ZNF608: variants seen among roughly 807,000 people sequenced by gnomAD.
The protein encoded by ZNF608 is renal carcinoma antigen NY-REN-36.
ZNF608 carries 12 observed loss-of-function variants against 109.0 expected under a neutral mutation model. The observed-to-expected ratio is 0.11, with a 90% CI of 0.07 to 0.18. ZNF608 has a LOEUF of 0.18. Ranked by LOEUF, ZNF608 falls within the 10% of genes least tolerant of loss-of-function variation. The probability of loss-of-function intolerance (pLI) is 1.00; values close to 1 mark genes in which losing one functional copy is unlikely to be tolerated. For missense variants in ZNF608, 1,707 were observed against 1,879.3 expected (o/e 0.91, Z 1.70); for synonymous variants, 732 against 717.4 (o/e 1.02, Z -0.33).
In ZNF608 at chr5:124,641,281, A is replaced by T. The variant is rs1251935028; in HGVS notation, c.4421T>A (p.Leu1474Gln). ...AAAAGGGTCATATTGACCCGGGATT[A>T]GCGGGTAACCCATGCCAACGTGGGT... The part of the protein sequence containing the change: ...HHTHVGMGYP[L>Q]IPGQYDPFQG... The change falls in exon 8 of 10, where the codon CTA (leucine) becomes CAA (glutamine). Residue 1474 changes from leucine to glutamine, a missense_variant. By Grantham distance (113) the Leu-to-Gln change is moderately radical. Around this residue, in one of 7 missense-constraint regions of ZNF608, gnomAD observed 1,073 missense variants for 1,133.5 expected, o/e 0.95. Coordinates refer to ENST00000513986, the MANE Select transcript of ZNF608 (RefSeq NM_020747.3). 6.2e-7 allele frequency: 1 copy of T among 1,613,758 alleles called. No homozygotes were observed. The highest frequency in any genetic ancestry group is 8.5e-7 in the Non-Finnish European group (1 of 1,180,036).
At chr5:124,683,689 T>C (rs949265017) in intron 3 of ZNF608, among the ~76,000 whole-genome samples, 1 of 152,164 alleles carries the variant, frequency 6.6e-6, no homozygotes, top group Non-Finnish European at 1.5e-5. Context: ...TTAAACTATA[T>C]AAACATATAA....
chr5:124,721,658 G>A (rs998794541), intron 2 of ZNF608, among the ~76,000 whole-genome samples: 1 of 152,006 alleles, frequency 6.6e-6, no homozygotes, highest in African/African-American at 2.4e-5. Flanking sequence ...GAGCCAGGCC[G>A]GGCACAGTGG....
At chr5:124,670,246 T>C (rs1580587126) in intron 3 of ZNF608, among the ~76,000 whole-genome samples, 1 of 152,176 alleles carries the variant, frequency 6.6e-6, no homozygotes, top group East Asian at 1.9e-4. Flanking sequence ...CTTTTCAAAA[T>C]ATTAATATAA....
At chr5:124,699,518 C>T (rs571086363) in intron 3 of ZNF608, among the ~76,000 whole-genome samples, 28 of 152,340 alleles carry the variant, frequency 1.8e-4, no homozygotes, top group African/African-American at 6.7e-4. Context: ...AATCACTTCC[C>T]TCTGAGCAAA....
intron 3 of ZNF608, among the ~76,000 whole-genome samples, chr5:124,652,984 C>T (rs1214116596): frequency 2.0e-5 from 3 of 152,162 alleles, no homozygotes; most frequent in African/African-American, 4.8e-5. Flanking sequence ...GTGTTGGGGA[C>T]GTTCTATACA....
chr5:124,703,308 A>C (rs537176775), intron 2 of ZNF608, among the ~76,000 whole-genome samples: 14 of 152,232 alleles, frequency 9.2e-5, no homozygotes, highest in Admixed American at 2.6e-4. Context: ...GATGAGTCTT[A>C]TAGCGTATCA....
rs1468299671 is a variant in ZNF608 at position 124,647,754 on chromosome 5, G to A, written c.2630C>T (p.Ala877Val). ...GLSESQESRMASIKAEADKVY... is the reference protein window; with the variant it reads ...GLSESQESRMVSIKAEADKVY... ...CTTATCGGCCTCAGCTTTGATACTG[G>A]CCATGCGGCTCTCCTGAGACTCCGA... Residue 877 changes from alanine to valine, a missense_variant, in exon 5 of 10, where the codon GCC (alanine) becomes GTC (valine). By Grantham distance (64) the Ala-to-Val change is moderately conservative. This residue lies in a region of ZNF608 where 1,073 missense variants were observed against 1,133.5 expected (regional missense o/e 0.95). Coordinates refer to ENST00000513986, the MANE Select transcript of ZNF608 (RefSeq NM_020747.3). The A allele has an allele frequency of 6.2e-7, 1 of 1,614,048 alleles. No homozygotes were observed. Among genetic ancestry groups the A allele is most frequent in the African/African-American group, 1.3e-5 (1 of 75,028 alleles).
chr5:124,735,724 G>T (rs1193592222), intron 2 of ZNF608, among the ~76,000 whole-genome samples: 1 of 152,226 alleles, frequency 6.6e-6, no homozygotes, highest in Non-Finnish European at 1.5e-5. Flanking sequence ...GCTGGTGAAA[G>T]ATTTGGGCAG....
chr5:124,713,722 G>C (rs1445562142), intron 2 of ZNF608, among the ~76,000 whole-genome samples: 1 of 152,138 alleles, frequency 6.6e-6, no homozygotes, highest in Non-Finnish European at 1.5e-5. Context: ...TTGCTCTACT[G>C]AATTCAAGAG....
chr5:124,716,968 G>C (rs1753728760), intron 2 of ZNF608, among the ~76,000 whole-genome samples: 2 of 152,124 alleles, frequency 1.3e-5, no homozygotes, highest in South Asian at 4.1e-4. Context: ...TATAATCCCA[G>C]CTACTCAGGA....
chr5:124,720,320 A>T (rs1415308694), intron 2 of ZNF608, among the ~76,000 whole-genome samples: 1 of 152,212 alleles, frequency 6.6e-6, no homozygotes, highest in Non-Finnish European at 1.5e-5. Flanking sequence ...AATAGGTGTC[A>T]TCATCTTCTT....
chr5:124,733,380 A>G (rs1748996302), intron 2 of ZNF608, among the ~76,000 whole-genome samples: 2 of 152,142 alleles, frequency 1.3e-5, no homozygotes, highest in Non-Finnish European at 2.9e-5. Flanking sequence ...TCCAAGATGC[A>G]CAGTGGCTTC....
intron 2 of ZNF608, among the ~76,000 whole-genome samples, chr5:124,722,201 A>AAGCCCAGC (rs1411272919): frequency 2.6e-5 from 4 of 152,090 alleles, no homozygotes; most frequent in African/African-American, 9.7e-5. Context: ...ACTAGAAGAG[A>AAGCCCAGC]TGACCTGCAT....
rs146505066 is a variant in ZNF608, at chr5:124,744,266, T to C, written c.724A>G (p.Ser242Gly). The C allele has an allele frequency of 4.0e-5, 64 of 1,613,426 alleles. No individual in the cohort carries two copies. The highest frequency in any genetic ancestry group is 1.1e-5 in the Non-Finnish European group (13 of 1,179,864). Residue 242 changes from serine to glycine, a missense_variant, in exon 2 of 10, where the codon AGC becomes GGC. This residue lies in a region of ZNF608 where 407 missense variants were observed against 398.7 expected (regional missense o/e 1.02). Coordinates refer to ENST00000513986, the MANE Select transcript of ZNF608 (RefSeq NM_020747.3). This position sits in a 1 kb window ranked among gnomAD's most constrained non-coding sequence, Gnocchi z 4.5. ...GGHLYGFGAK[S>G]NGGGASPFHC... ...AAGGGGCTCGCGCCACCTCCATTGCTCTTGGCCCCAAAGCCATAGAGGTGC... is the reference window on the plus strand; with the variant it reads ...AAGGGGCTCGCGCCACCTCCATTGCCCTTGGCCCCAAAGCCATAGAGGTGC...
chr5:124,646,628 A>T, intron 5 of ZNF608, 51 bp downstream of exon 5: 25 of 1,559,768 alleles, frequency 1.6e-5, no homozygotes, highest in Non-Finnish European at 2.1e-5. Flanking sequence ...CATGTATAAT[A>T]CAAGTCTCAG....
intron 2 of ZNF608, among the ~76,000 whole-genome samples, chr5:124,727,074 C>T (rs12659894): frequency 0.029 from 4,490 of 152,316 alleles, 196 homozygotes; most frequent in East Asian, 0.17. Flanking sequence ...TACACTTCAA[C>T]TTCATCCCTT....
chr5:124,694,160 T>C (rs1752745011), intron 3 of ZNF608, among the ~76,000 whole-genome samples: 2 of 133,672 alleles, frequency 1.5e-5, no homozygotes, highest in African/African-American at 5.5e-5. Flanking sequence ...TTTTTTTTTT[T>C]TTTTTTTGTA....
intron 2 of ZNF608, among the ~76,000 whole-genome samples, chr5:124,709,198 A>AAAAAAAAAAC (rs5871101): frequency 6.7e-6 from 1 of 149,620 alleles, no homozygotes; most frequent in African/African-American, 2.5e-5. Context: ...AAAAAAAAAA[A>AAAAAAAAAAC]TCTGGGTTCT....
At chr5:124,693,580 A>T (rs1174223217) in intron 3 of ZNF608, among the ~76,000 whole-genome samples, 2 of 152,240 alleles carry the variant, frequency 1.3e-5, no homozygotes, top group African/African-American at 4.8e-5. Flanking sequence ...TTCATTACTT[A>T]GCACCTAATG....
Sources: gnomAD v4.1 joint callset for allele counts (sites outside exome capture counted in the v4.1 genomes callset) on GRCh38, gnomAD v4.1.1 for gene constraint, gnomAD v4.1.1 regional missense constraint, Gnocchi (gnomAD v3.1) non-coding constraint, MANE v1.5 for transcripts, NCBI Gene and HGNC (gene_info 2026-07-23, HGNC 2026-07-21) for gene names.